Variants in OXCT1 observed in about 807,000 individuals in gnomAD.
OXCT1 encodes succinyl-CoA:3-ketoacid coenzyme A transferase 1, mitochondrial.
Under a neutral mutation model 69.6 loss-of-function variants are expected in OXCT1, and 27 were observed. That is an observed-to-expected ratio of 0.39 (90% confidence interval 0.29 to 0.54). The LOEUF is 0.54. Ranked by LOEUF, OXCT1 falls within the 20% of genes least tolerant of loss-of-function variation. OXCT1 has a pLI of 0.72. For missense variants in OXCT1, 437 were observed against 650.2 expected (o/e 0.67, Z 3.57); for synonymous variants, 202 against 217.8 (o/e 0.93, Z 0.64).
At chr5:41,750,569 T>G (rs1458061994) in intron 14 of OXCT1, among the ~76,000 whole-genome samples, 2 of 152,142 alleles carry the variant, frequency 1.3e-5, no homozygotes, top group Non-Finnish European at 2.9e-5. Context: ...AAAATGCTTT[T>G]ATTGCTTTCT....
chr5:41,863,799 T>C (rs1749846357), intron 1 of OXCT1, among the ~76,000 whole-genome samples: 1 of 152,222 alleles, frequency 6.6e-6, no homozygotes, highest in African/African-American at 2.4e-5. Context: ...TCAAGTCCTG[T>C]ACTATTTATT....
chr5:41,794,672 C>T lies in OXCT1; in HGVS notation c.1172+5G>A. ...TGAAACATGAGGGGCTCTGTTATTA[C>T]ATACCCTCTAATCATTGCAAATGAT... On this transcript the variant is annotated splice_donor_5th_base_variant and intron_variant, in intron 12 of 16. Coordinates refer to ENST00000196371, the MANE Select transcript of OXCT1 (RefSeq NM_000436.4). The T allele has an allele frequency of 6.2e-7, 1 of 1,612,186 alleles. No individual in the cohort carries two copies. Among genetic ancestry groups the T allele is most frequent in the Non-Finnish European group, 8.5e-7 (1 of 1,178,758 alleles).
In OXCT1 at chr5:41,786,054, T is replaced by A. The variant is rs148526128; in HGVS notation, c.1248+7949A>T. 4.1e-4 allele frequency among the ~76,000 whole-genome samples: 62 copies of A among 152,152 alleles called. No homozygotes were observed. The East Asian group carries it at 6.2e-3, about 15-fold the overall frequency. On this transcript the variant is annotated intron_variant, in intron 13 of 16. Transcript: ENST00000196371. ...GGGGCCATGTGAGAGAGGAACAACC[T>A]CAACAGGTTAATGCTTTGTCAACAG...
At chr5:41,794,164 T>A in intron 12 of OXCT1, 86 bp from the exon 13 acceptor site, 1 of 919,618 alleles carries the variant, frequency 1.1e-6, no homozygotes, top group Non-Finnish European at 1.8e-6. Context: ...AATAACTTCA[T>A]ACCACCAAAA....
intron 5 of OXCT1, among the ~76,000 whole-genome samples, chr5:41,847,092 G>T (rs1015068591): frequency 4.0e-5 from 6 of 151,788 alleles, no homozygotes; most frequent in Non-Finnish European, 5.9e-5. Flanking sequence ...AAATGATAAA[G>T]GGGATATCAC....
At chr5:41,814,878 T>C (rs1194573984) in intron 7 of OXCT1, among the ~76,000 whole-genome samples, 1 of 151,994 alleles carries the variant, frequency 6.6e-6, no homozygotes, top group Admixed American at 6.6e-5. Flanking sequence ...AGTATAATAA[T>C]AAAAATAAAT....
At chr5:41,858,125 T>C (rs895707197) in intron 3 of OXCT1, among the ~76,000 whole-genome samples, 1 of 152,184 alleles carries the variant, frequency 6.6e-6, no homozygotes, top group African/African-American at 2.4e-5. Flanking sequence ...TTTAGACTAG[T>C]ATCCTGGCAT....
chr5:41,839,882 C>T (rs2112397398), intron 7 of OXCT1, among the ~76,000 whole-genome samples: 1 of 152,342 alleles, frequency 6.6e-6, no homozygotes, highest in South Asian at 2.1e-4. Flanking sequence ...CAATATGTTA[C>T]AACCAAAATG....
chr5:41,774,225 T>C (rs1745015698), intron 13 of OXCT1, among the ~76,000 whole-genome samples: 1 of 152,226 alleles, frequency 6.6e-6, no homozygotes, highest in African/African-American at 2.4e-5. Flanking sequence ...GTTACTTTTT[T>C]CCTCTATCCT....
chr5:41,778,060 G>C (rs865947914), intron 13 of OXCT1, among the ~76,000 whole-genome samples: 4 of 152,156 alleles, frequency 2.6e-5, no homozygotes, highest in Non-Finnish European at 5.9e-5. Flanking sequence ...TTGAGTCAAA[G>C]CTTATGAGGA....
chr5:41,867,126 T>A (rs1750024962), intron 1 of OXCT1, among the ~76,000 whole-genome samples: 1 of 151,760 alleles, frequency 6.6e-6, no homozygotes, highest in Non-Finnish European at 1.5e-5. Flanking sequence ...CAAGTAGTAT[T>A]TGGTTACATG....
At chr5:41,767,689 T>C (rs912704798) in intron 13 of OXCT1, among the ~76,000 whole-genome samples, 2 of 143,876 alleles carry the variant, frequency 1.4e-5, no homozygotes, top group African/African-American at 5.2e-5. Context: ...GTGTCTACTA[T>C]ATATCTATCT....
chr5:41,861,756 T>C lies in OXCT1; in HGVS notation c.188-352A>G, dbSNP rs367832069. Among the ~76,000 whole-genome samples, 131 of 152,360 alleles carry C rather than the reference T, an allele frequency of 8.6e-4. 1 individual carries two copies. The highest frequency in any genetic ancestry group is 3.0e-3 in the African/African-American group (124 of 41,596). The stretch of plus-strand genomic sequence containing the variant: ...ACTTTTTCAAGAATGTTAATATGTC[T>C]GAGTAGATTTTGCATAGTTGGAAGC... On this transcript the variant is annotated intron_variant, in intron 2 of 16. Coordinates refer to ENST00000196371, the MANE Select transcript of OXCT1 (RefSeq NM_000436.4).
intron 11 of OXCT1, among the ~76,000 whole-genome samples, chr5:41,799,865 C>G (rs1364228821): frequency 6.6e-6 from 1 of 152,190 alleles, no homozygotes. Flanking sequence ...ATCAATTTTA[C>G]TTGGCAGCTG....
chr5:41,816,435 C>A (rs1466198263), intron 7 of OXCT1, among the ~76,000 whole-genome samples: 1 of 152,116 alleles, frequency 6.6e-6, no homozygotes, highest in Non-Finnish European at 1.5e-5. Flanking sequence ...GCTCTTAGTA[C>A]AAGTAGGGAG....
intron 7 of OXCT1, among the ~76,000 whole-genome samples, chr5:41,819,492 T>G (rs1268674778): frequency 6.6e-6 from 1 of 152,016 alleles, no homozygotes; most frequent in Non-Finnish European, 1.5e-5. Context: ...TGCCTCAGCC[T>G]CCTGAGTAGC....
chr5:41,854,318 C>T (rs1263230211), intron 3 of OXCT1, among the ~76,000 whole-genome samples: 1 of 152,096 alleles, frequency 6.6e-6, no homozygotes, highest in Non-Finnish European at 1.5e-5. Flanking sequence ...ATGGTATACA[C>T]AGTGTTGACT....
At chr5:41,855,073 G>C (rs569672872) in intron 3 of OXCT1, among the ~76,000 whole-genome samples, 12 of 152,288 alleles carry the variant, frequency 7.9e-5, no homozygotes, top group African/African-American at 2.6e-4. Flanking sequence ...ACATAATGAA[G>C]TGGGGTATAG....
chr5:41,774,404 C>T (rs1745024460), intron 13 of OXCT1, among the ~76,000 whole-genome samples: 2 of 152,144 alleles, frequency 1.3e-5, no homozygotes, highest in South Asian at 2.1e-4. Context: ...TTCTATATGT[C>T]GTTCTCTTAT....
Sources: gnomAD v4.1 joint callset for allele counts (sites outside exome capture counted in the v4.1 genomes callset) on GRCh38, gnomAD v4.1.1 for gene constraint, MANE v1.5 for transcripts, NCBI Gene and HGNC (gene_info 2026-07-23, HGNC 2026-07-21) for gene names.